The following ATP13A5 variants were observed in gnomAD, a reference collection of about 807,000 sequenced individuals.
ATP13A5 encodes the protein probable cation-transporting ATPase 13A5.
Under a neutral mutation model 150.2 loss-of-function variants are expected in ATP13A5, and 149 were observed. That is an observed-to-expected ratio of 0.99 (90% CI 0.87 to 1.14). The LOEUF is 1.14. Ranked by LOEUF, ATP13A5 falls within the 50% of genes most tolerant of loss-of-function variation. The pLI is 0.00. For missense variants in ATP13A5, 1,383 were observed against 1,449.3 expected (o/e 0.95, Z 0.74); for synonymous variants, 497 against 522.2 (o/e 0.95, Z 0.66).
intron 23 of ATP13A5, among the ~76,000 whole-genome samples, chr3:193,304,422 A>G (rs1318770524): frequency 6.6e-6 from 1 of 152,106 alleles, no homozygotes; most frequent in Non-Finnish European, 1.5e-5. Context: ...TAGACCTGCT[A>G]CCTTTAGGTC....
In ATP13A5 at chr3:193,319,088, C is replaced by T. The variant is rs1265545592; in HGVS notation, c.1936G>A (p.Glu646Lys). 6.2e-7 allele frequency: 1 copy of T among 1,613,778 alleles called. No homozygotes were observed. Among genetic ancestry groups the T allele is most frequent in the Admixed American group, 1.7e-5 (1 of 60,006 alleles). Residue 646 changes from glutamate (E) to lysine (K), a missense_variant, in exon 17 of 30, where the codon GAA becomes AAA. Coordinates refer to ENST00000342358, the MANE Select transcript of ATP13A5 (RefSeq NM_198505.4). ...SETVPKNFPQ[E>K]LRSYTVQGFR... ...CCTTGCACCGTGTAACTCCTCAGTT[C>T]CTGTGGGAAATTCTTGGGCACTGCC...
chr3:193,362,787 T>TTCTCTCTTTCTTTCTCTCTTTCTTTCTC (rs1560151068), intron 3 of ATP13A5, 150 bp from the exon 4 acceptor site: 11 of 514,818 alleles, frequency 2.1e-5, no homozygotes, highest in African/African-American at 1.7e-4. Flanking sequence ...CTTTCTTTCT[T>TTCTCTCTTTCTTTCTCTCTTTCTTTCTC]TCTTTCTTTC....
chr3:193,327,435 A>AT (rs1430857545), intron 12 of ATP13A5, among the ~76,000 whole-genome samples: 6 of 151,082 alleles, frequency 4.0e-5, no homozygotes, highest in South Asian at 4.2e-4. Flanking sequence ...AGCAGAGCTC[A>AT]TTTTTTTTTG....
chr3:193,349,810 T>A (rs2108889720), intron 7 of ATP13A5, among the ~76,000 whole-genome samples: 1 of 152,284 alleles, frequency 6.6e-6, no homozygotes, highest in African/African-American at 2.4e-5. Flanking sequence ...TTAAAAAAAT[T>A]CTTTCATTTG....
Sources: gnomAD v4.1 joint callset for allele counts (sites outside exome capture counted in the v4.1 genomes callset) on GRCh38, gnomAD v4.1.1 for gene constraint, MANE v1.5 for transcripts, NCBI Gene and HGNC (gene_info 2026-07-23, HGNC 2026-07-21) for gene names.